Variants in TBC1D30 observed in about 807,000 individuals in gnomAD.
TBC1D30 encodes the protein TBC1 domain family member 30.
Under a neutral mutation model 63.2 loss-of-function variants are expected in TBC1D30, and 31 were observed. The ratio of observed to expected loss-of-function variants is 0.49; its 90% CI spans 0.37 to 0.66. TBC1D30 has a LOEUF of 0.66. Among genes scored for constraint, TBC1D30 ranks in the 30% least tolerant of loss-of-function variants. The pLI is 0.00. For synonymous variants in TBC1D30, 307 were observed against 361.5 expected, an observed-to-expected ratio of 0.85 and a Z score of 1.71; for missense variants, 810 against 953.6, an observed-to-expected ratio of 0.85 and a Z score of 1.98.
intron 1 of TBC1D30, among the ~76,000 whole-genome samples, chr12:64,772,719 C>T (rs1360066141): frequency 3.3e-5 from 5 of 152,286 alleles, no homozygotes; most frequent in South Asian, 2.1e-4. Flanking sequence ...TGAGCCACTG[C>T]GCCTGGCCTA....
At chr12:64,777,042 C>T (rs185894414), upstream of TBC1D30, among the ~76,000 whole-genome samples, 102 of 152,204 alleles carry the variant, frequency 6.7e-4, no homozygotes, top group African/African-American at 2.0e-3. Context: ...AAAAAGCTTT[C>T]GATAAAATTC....
intron 3 of TBC1D30, among the ~76,000 whole-genome samples, chr12:64,830,020 A>G (rs892955695): frequency 6.6e-6 from 1 of 152,224 alleles, no homozygotes; most frequent in African/African-American, 2.4e-5. Flanking sequence ...GGAGAGCAAT[A>G]CAGAGCCAAG....
chr12:64,790,916 G>A (rs1298644527), intron 2 of TBC1D30, among the ~76,000 whole-genome samples: 2 of 151,936 alleles, frequency 1.3e-5, no homozygotes, highest in Non-Finnish European at 2.9e-5. Context: ...CCACCCAGCC[G>A]GCATTTTCAC....
At chr12:64,797,969 T>C (rs1025702127) in intron 2 of TBC1D30, among the ~76,000 whole-genome samples, 1 of 152,194 alleles carries the variant, frequency 6.6e-6, no homozygotes, top group African/African-American at 2.4e-5. Flanking sequence ...ATTAAAGTCA[T>C]CTCTACACCT....
chr12:64,860,394 G>A (rs1877687399), intron 8 of TBC1D30, among the ~76,000 whole-genome samples: 1 of 152,094 alleles, frequency 6.6e-6, no homozygotes, highest in African/African-American at 2.4e-5. Context: ...GGCCTCAGGC[G>A]AGGCCTGCCT....
chr12:64,807,287 A>AG (rs1872926824), intron 2 of TBC1D30, among the ~76,000 whole-genome samples: 1 of 152,190 alleles, frequency 6.6e-6, no homozygotes, highest in Admixed American at 6.5e-5. Flanking sequence ...CACCATGATT[A>AG]TAAGTTTCCT....
chr12:64,766,120 T>C (rs1009914291), intron 1 of TBC1D30, among the ~76,000 whole-genome samples: 2 of 152,048 alleles, frequency 1.3e-5, no homozygotes, highest in African/African-American at 4.8e-5. Flanking sequence ...ATAAGTCAAC[T>C]TGAAGGTATA....
intron 10 of TBC1D30, 135 bp from the exon 11 acceptor site, chr12:64,870,467 T>C: frequency 3.0e-6 from 2 of 677,094 alleles, no homozygotes; most frequent in South Asian, 3.8e-5. Flanking sequence ...AGACAAACTC[T>C]AGTATGCGTT....
At chr12:64,861,112 A>G (rs965296130) in intron 8 of TBC1D30, among the ~76,000 whole-genome samples, 4 of 152,226 alleles carry the variant, frequency 2.6e-5, no homozygotes, top group Non-Finnish European at 5.9e-5. Flanking sequence ...CTGTGGATTG[A>G]TTGATGGGAT....
rs1340225107 is a variant in TBC1D30 at position 64,876,005 on chromosome 12, G to A, written c.*217G>A. The A allele has an allele frequency of 4.0e-6, 2 of 498,618 alleles. No homozygotes were observed. The highest frequency in any genetic ancestry group is 6.9e-6 in the Non-Finnish European group (2 of 289,862). 30.9% of individuals were successfully genotyped at this position (498,618 alleles called of 1,614,324 possible). On this transcript the variant is annotated 3_prime_UTR_variant, in exon 12 of 12. Coordinates refer to ENST00000539867, the MANE Select transcript of TBC1D30 (RefSeq NM_015279.2). ...CTAACTGACGAAGTGGATTCTTGTG[G>A]CAAAATAAATATTGTGGTTTTATAG...
chr12:64,784,817 T>C (rs140489547), intron 1 of TBC1D30, among the ~76,000 whole-genome samples: 3,153 of 151,956 alleles, frequency 0.021, 35 homozygotes, highest in Non-Finnish European at 0.034. Context: ...TGTATACCTG[T>C]AACAAACCTG....
intron 3 of TBC1D30, 111 bp from the exon 4 acceptor site, chr12:64,830,266 C>A: frequency 1.9e-6 from 2 of 1,036,046 alleles, no homozygotes; most frequent in Non-Finnish European, 2.7e-6. Flanking sequence ...CGATAGATAG[C>A]TGGTCTAGGG....
rs997211112 is a variant in TBC1D30, at chr12:64,878,215, A to T, written c.*2427A>T. The T allele has an allele frequency of 9.9e-6, 3 of 302,186 alleles. No individual in the cohort carries two copies. The highest frequency in any genetic ancestry group is 2.2e-5 in the African/African-American group (1 of 46,256). The allele number at this position is 302,186 out of a possible 1,614,324, so 18.7% of individuals were successfully genotyped here. A position where few individuals can be genotyped will look rare whatever the true frequency, so the allele number is the denominator to read the frequency against. On this transcript the variant is annotated 3_prime_UTR_variant, in exon 12 of 12. Transcript: ENST00000539867. ...CTCTGTGTACCAATAACATGCATGC[A>T]TTGTACCAAGTAATCACAATGTGAA...
At chr12:64,779,387 A>G (rs1871167874), upstream of TBC1D30, 1 of 152,220 alleles carries the variant, frequency 6.6e-6, no homozygotes, top group African/African-American at 2.4e-5. Context: ...AATGGTAACA[A>G]TAGTCATTAA....
intron 2 of TBC1D30, among the ~76,000 whole-genome samples, chr12:64,815,715 T>C (rs1873484041): frequency 6.6e-6 from 1 of 152,188 alleles, no homozygotes; most frequent in Admixed American, 6.5e-5. Flanking sequence ...TCAGCTTAAT[T>C]ACGTGAACTT....
In TBC1D30 at chr12:64,875,343, G is replaced by C. The variant is rs1215354570; in HGVS notation, c.1841G>C (p.Cys614Ser). 1 of 1,536,270 alleles carries C rather than the reference G, an allele frequency of 6.5e-7. No homozygotes were observed. The highest frequency in any genetic ancestry group is 8.7e-7 in the Non-Finnish European group (1 of 1,146,932). ...LGAAEAFPSG[C>S]TATAGREGSS... is the part of the protein sequence containing the mutation. ...GCAGCAGAGGCATTCCCCTCTGGTT[G>C]TACAGCGACAGCTGGGAGAGAAGGC... Residue 614 changes from cysteine (C) to serine (S), a missense_variant, in exon 12 of 12, where the codon TGT becomes TCT. Cys to Ser is a moderately radical substitution (Grantham distance 112, BLOSUM62 -1). Transcript: ENST00000539867.
rs1165640501 is a variant in TBC1D30, at chr12:64,836,650, A to G, written c.755A>G (p.Glu252Gly). ...ACTCTTCAGAGAACTGCAAACAAAG[A>G]AAGTGGAGGTAGGTTTCAATGCTAT... ...LDTLQRTANK[E>G]SGGGYEPPLT... Residue 252 changes from glutamate to glycine, a missense_variant, in exon 6 of 12, where the codon GAA (glutamate) becomes GGA (glycine). Coordinates refer to ENST00000539867, the MANE Select transcript of TBC1D30 (RefSeq NM_015279.2). 3 of 1,533,982 alleles carry G rather than the reference A, an allele frequency of 2.0e-6. No individual in the cohort carries two copies. In the African/African-American group the frequency reaches 4.1e-5, roughly 21 times the overall value.
At chr12:64,811,592 C>T (rs1402318264) in intron 2 of TBC1D30, among the ~76,000 whole-genome samples, 1 of 152,200 alleles carries the variant, frequency 6.6e-6, no homozygotes, top group African/African-American at 2.4e-5. Context: ...CACCAAGCCC[C>T]ATCCCACTGT....
intron 11 of TBC1D30, among the ~76,000 whole-genome samples, chr12:64,871,899 G>GGT (rs1878687256): frequency 6.6e-6 from 1 of 152,182 alleles, no homozygotes; most frequent in African/African-American, 2.4e-5. Flanking sequence ...ACAAGTCTTT[G>GGT]GGTGTGACGG....
Sources: gnomAD v4.1 joint callset for allele counts (sites outside exome capture counted in the v4.1 genomes callset) on GRCh38, gnomAD v4.1.1 for gene constraint, MANE v1.5 for transcripts, NCBI Gene and HGNC (gene_info 2026-07-23, HGNC 2026-07-21) for gene names.